SFMBT1: variants seen among roughly 807,000 people sequenced by gnomAD.
SFMBT1 encodes the protein Scm like with four mbt domains 1.
A neutral mutation model predicts 108.7 loss-of-function variants in SFMBT1; 32 were observed. The observed-to-expected ratio is 0.29, with a 90% CI of 0.22 to 0.40. The LOEUF is 0.40. Ranked by LOEUF, SFMBT1 falls within the 10% of genes least tolerant of loss-of-function variation. The pLI, the probability that SFMBT1 is intolerant of heterozygous loss-of-function variation, is 1.00. For missense variants in SFMBT1, 816 were observed against 1,059.6 expected, an observed-to-expected ratio of 0.77 and a Z score of 3.19; for synonymous variants, 348 against 369.5, an observed-to-expected ratio of 0.94 and a Z score of 0.67.
chr3:52,931,093 T>C (rs1223010873), intron 6 of SFMBT1, 58 bp from the exon 7 acceptor site: 1 of 1,490,892 alleles, frequency 6.7e-7, no homozygotes, highest in Non-Finnish European at 9.3e-7. Flanking sequence ...TTTTTACCTG[T>C]CCTGAAAGCA....
chr3:52,936,746 T>C (rs1184103580), intron 4 of SFMBT1, among the ~76,000 whole-genome samples: 1 of 152,206 alleles, frequency 6.6e-6, no homozygotes, highest in Non-Finnish European at 1.5e-5. Flanking sequence ...GCCTTTTCAG[T>C]GTCTAGAGTT....
At chr3:52,937,816 C>T (rs1285389304) in intron 4 of SFMBT1, among the ~76,000 whole-genome samples, 5 of 151,934 alleles carry the variant, frequency 3.3e-5, no homozygotes, top group African/African-American at 9.7e-5. Context: ...CTCCTAACCT[C>T]GTGATCCACC....
At chr3:52,946,106 T>C (rs1398200658) in intron 3 of SFMBT1, among the ~76,000 whole-genome samples, 1 of 151,944 alleles carries the variant, frequency 6.6e-6, no homozygotes, top group East Asian at 1.9e-4. Context: ...AATCCAATCA[T>C]GAGAAAAAAA....
intron 2 of SFMBT1, among the ~76,000 whole-genome samples, chr3:52,957,565 A>G (rs1483275630): frequency 6.6e-6 from 1 of 152,252 alleles, no homozygotes; most frequent in East Asian, 1.9e-4. Context: ...ACTTCAAACT[A>G]TACTACAAGC....
intron 8 of SFMBT1, chr3:52,928,627 CATATAT>C (rs1183172752): frequency 4.8e-4 from 4 of 8,376 alleles, no homozygotes; most frequent in Non-Finnish European, 3.8e-3. Flanking sequence ...TACATATATA[CATATAT>C]ATACATATAT....
rs777810806 is a variant in SFMBT1 at position 52,920,653 on chromosome 3, GTTTAGA to G, written c.1259-9_1259-4del. On this transcript the variant is annotated splice_region_variant and splice_polypyrimidine_tract_variant and intron_variant, in intron 11 of 20. Transcript: ENST00000394752. ...TTCAGGTATAGGCTTCTTAGAACCT[GTTTAGA>G]TTTAAACAAACAAACAAACAAACAA... 1 of 1,560,706 alleles carries G rather than the reference GTTTAGA, an allele frequency of 6.4e-7. No homozygotes were observed. The highest frequency in any genetic ancestry group is 1.1e-5 in the South Asian group (1 of 88,330).
chr3:53,026,372 C>T (rs1699490812), intron 1 of SFMBT1, among the ~76,000 whole-genome samples: 1 of 152,218 alleles, frequency 6.6e-6, no homozygotes, highest in East Asian at 1.9e-4. Flanking sequence ...TTTTATTGTA[C>T]TAGAAAGGAA....
rs966577557 is a variant in SFMBT1, at chr3:52,996,358, G to A, written c.-130-27100C>T. Among the ~76,000 whole-genome samples, 24 of 148,262 alleles carry A rather than the reference G, an allele frequency of 1.6e-4. 2 individuals carry two copies. Among genetic ancestry groups the A allele is most frequent in the African/African-American group, 4.9e-4 (20 of 40,952 alleles). ...CTGCCAAGTAGCTGGGACTACAGGCGCACGCCACCACACCCAGCTAATTTT... is the reference window on the plus strand; with the variant it reads ...CTGCCAAGTAGCTGGGACTACAGGCACACGCCACCACACCCAGCTAATTTT... On this transcript the variant is annotated intron_variant, in intron 1 of 20. Transcript: ENST00000394752.
chr3:53,031,106 C>T (rs929731864), intron 1 of SFMBT1, among the ~76,000 whole-genome samples: 10 of 152,156 alleles, frequency 6.6e-5, no homozygotes, highest in Non-Finnish European at 1.5e-4. Context: ...TTCAGGGATC[C>T]CAACTCCTCA....
chr3:53,045,381 CGG>C (rs1398945195), intron 1 of SFMBT1: 1 of 137,818 alleles, frequency 7.3e-6, no homozygotes, highest in Non-Finnish European at 1.6e-5. Context: ...GGGGCGCGCG[CGG>C]GGAGGGGCGC....
At chr3:53,025,571 G>A (rs1699461650) in intron 1 of SFMBT1, among the ~76,000 whole-genome samples, 1 of 151,960 alleles carries the variant, frequency 6.6e-6, no homozygotes, top group South Asian at 2.1e-4. Context: ...AGCCATGATT[G>A]TGCCACTGCA....
At chr3:53,040,967 A>ATTTTTTTTTGTT (rs1559560284) in intron 1 of SFMBT1, among the ~76,000 whole-genome samples, 1 of 72,834 alleles carries the variant, frequency 1.4e-5, no homozygotes, top group Non-Finnish European at 3.0e-5. Flanking sequence ...AAGACACCTG[A>ATTTTTTTTTGTT]ATTTTTTTTT....
chr3:52,915,133 T>C (rs563222706), intron 14 of SFMBT1, among the ~76,000 whole-genome samples: 1 of 152,304 alleles, frequency 6.6e-6, no homozygotes, highest in Non-Finnish European at 1.5e-5. Context: ...AACTTATCTC[T>C]CTGCCCAATC....
intron 1 of SFMBT1, among the ~76,000 whole-genome samples, chr3:53,038,495 C>T (rs904250525): frequency 2.6e-5 from 4 of 152,144 alleles, no homozygotes; most frequent in Admixed American, 6.5e-5. Context: ...AGATGGCCTC[C>T]CCCCGGTAAC....
intron 5 of SFMBT1, among the ~76,000 whole-genome samples, chr3:52,934,525 T>C (rs1184810535): frequency 6.6e-6 from 1 of 151,450 alleles, no homozygotes; most frequent in Non-Finnish European, 1.5e-5. Flanking sequence ...CGACCTCTGC[T>C]CAGTTTCAGA....
chr3:52,908,763 G>GT (rs1234108631), intron 17 of SFMBT1, among the ~76,000 whole-genome samples: 8 of 151,976 alleles, frequency 5.3e-5, no homozygotes, highest in African/African-American at 1.9e-4. Context: ...TAGAGACGGG[G>GT]TTTCACCATG....
At chr3:52,976,983 T>C (rs1704540858) in intron 1 of SFMBT1, among the ~76,000 whole-genome samples, 2 of 152,222 alleles carry the variant, frequency 1.3e-5, no homozygotes, top group African/African-American at 4.8e-5. Context: ...GATATAGCCC[T>C]TTTAGACAGA....
chr3:53,036,804 T>C (rs1427276376), intron 1 of SFMBT1, among the ~76,000 whole-genome samples: 2 of 152,240 alleles, frequency 1.3e-5, no homozygotes, highest in South Asian at 4.2e-4. Flanking sequence ...TCCTCCAAGG[T>C]AGTCTATATC....
intron 17 of SFMBT1, among the ~76,000 whole-genome samples, chr3:52,909,303 T>A (rs974890238): frequency 7.2e-5 from 11 of 152,232 alleles, no homozygotes; most frequent in African/African-American, 2.7e-4. Flanking sequence ...TGCATTTACA[T>A]GAATAGTATT....
Sources: allele counts gnomAD v4.1 joint callset (sites outside exome capture counted in the v4.1 genomes callset), GRCh38; gene constraint gnomAD v4.1.1; transcripts MANE v1.5; gene names NCBI Gene and HGNC (gene_info 2026-07-23, HGNC 2026-07-21).